The following KIAA1328 variants were observed in gnomAD, a reference collection of about 807,000 sequenced individuals.
The protein encoded by KIAA1328 is KIAA1328.
In KIAA1328, 52 loss-of-function variants were observed where a neutral mutation model predicts 68.1. That is an observed-to-expected ratio of 0.76 (90% CI 0.61 to 0.96). The LOEUF is 0.96. KIAA1328 is among the 40% of genes least tolerant of loss of function. The pLI is 0.00. For missense variants in KIAA1328, 641 were observed against 677.6 expected, an observed-to-expected ratio of 0.95 and a Z score of 0.60; for synonymous variants, 232 against 239.4, an observed-to-expected ratio of 0.97 and a Z score of 0.28.
chr18:36,984,741 A>G (rs535987394), intron 6 of KIAA1328, among the ~76,000 whole-genome samples: 1 of 152,076 alleles, frequency 6.6e-6, no homozygotes, highest in South Asian at 2.1e-4. Flanking sequence ...CCCCATCTCT[A>G]CTAAAAATAC....
At chr18:37,124,239 C>T (rs1025174188) in intron 7 of KIAA1328, among the ~76,000 whole-genome samples, 1 of 152,124 alleles carries the variant, frequency 6.6e-6, no homozygotes, top group African/African-American at 2.4e-5. Context: ...CAAACTTATA[C>T]CTTTCTTCTC....
chr18:37,012,154 T>C (rs1187623729), intron 6 of KIAA1328, among the ~76,000 whole-genome samples: 2 of 152,096 alleles, frequency 1.3e-5, no homozygotes, highest in Non-Finnish European at 2.9e-5. Flanking sequence ...CAGAACAATA[T>C]AGAACTAATA....
At chr18:37,127,909 C>CAT (rs1459827074) in intron 7 of KIAA1328, among the ~76,000 whole-genome samples, 2 of 151,790 alleles carry the variant, frequency 1.3e-5, no homozygotes, top group African/African-American at 4.8e-5. Context: ...AATAGGCCCA[C>CAT]ATATATATGT....
intron 7 of KIAA1328, among the ~76,000 whole-genome samples, chr18:37,136,567 TG>T (rs1245449945): frequency 6.6e-6 from 1 of 152,222 alleles, no homozygotes; most frequent in East Asian, 1.9e-4. Context: ...AAATTATACT[TG>T]TTTCATCAGT....
At chr18:37,112,318 T>G (rs1156697624) in intron 7 of KIAA1328, among the ~76,000 whole-genome samples, 1 of 152,132 alleles carries the variant, frequency 6.6e-6, no homozygotes, top group Non-Finnish European at 1.5e-5. Flanking sequence ...CCCTCTGAAA[T>G]GAAACTTCCA....
intron 6 of KIAA1328, among the ~76,000 whole-genome samples, chr18:37,037,212 G>A (rs1000548273): frequency 2.6e-5 from 4 of 151,984 alleles, no homozygotes; most frequent in Non-Finnish European, 4.4e-5. Context: ...TCAGCTAATC[G>A]ACTCTAAAAG....
intron 6 of KIAA1328, among the ~76,000 whole-genome samples, chr18:36,969,370 A>G (rs1228554169): frequency 6.6e-6 from 1 of 152,126 alleles, no homozygotes; most frequent in Non-Finnish European, 1.5e-5. Flanking sequence ...AAAAAAATTA[A>G]TAAGCTGGAT....
chr18:36,872,058 C>T (rs988806035), intron 4 of KIAA1328, among the ~76,000 whole-genome samples: 6 of 152,264 alleles, frequency 3.9e-5, no homozygotes, highest in Middle Eastern at 3.4e-3. Context: ...GGGTCCTTCT[C>T]CTCTATCTTC....
chr18:36,936,847 G>T (rs918959387), intron 5 of KIAA1328, among the ~76,000 whole-genome samples: 17 of 152,112 alleles, frequency 1.1e-4, no homozygotes, highest in African/African-American at 3.9e-4. Flanking sequence ...GTTTTGATTT[G>T]CATTTCTCTT....
intron 5 of KIAA1328, among the ~76,000 whole-genome samples, chr18:36,938,212 G>T (rs745529030): frequency 3.9e-5 from 6 of 151,972 alleles, no homozygotes; most frequent in African/African-American, 9.7e-5. Context: ...ATTTACATTC[G>T]CAAGAACAGT....
At chr18:36,996,793 G>GA (rs2053408922) in intron 6 of KIAA1328, among the ~76,000 whole-genome samples, 1 of 152,160 alleles carries the variant, frequency 6.6e-6, no homozygotes, top group African/African-American at 2.4e-5. Flanking sequence ...TTTCAAGAGA[G>GA]AAAACCACAT....
rs144851048 is a variant in KIAA1328 at position 37,027,476 on chromosome 18, G to A, written c.577-39414G>A. On this transcript the variant is annotated intron_variant, in intron 6 of 9. Transcript: ENST00000280020. ...TACCTGACTTCAAACTATGCTACAA[G>A]GCTACAGTAACCAAAACAGCATGGT... 1.6e-4 allele frequency among the ~76,000 whole-genome samples: 25 copies of A among 152,260 alleles called. No individual in the cohort carries two copies. The East Asian group carries it at 4.8e-3, about 29-fold the overall frequency.
intron 7 of KIAA1328, among the ~76,000 whole-genome samples, chr18:37,159,618 G>A (rs2059232990): frequency 6.6e-6 from 1 of 152,102 alleles, no homozygotes; most frequent in East Asian, 1.9e-4. Context: ...AAGAAAATAT[G>A]TACATGTGTT....
chr18:37,155,466 T>C (rs975031713), intron 7 of KIAA1328, among the ~76,000 whole-genome samples: 3 of 152,186 alleles, frequency 2.0e-5, no homozygotes, highest in African/African-American at 7.2e-5. Context: ...TCCCTCTCTC[T>C]TACATCAAGT....
intron 6 of KIAA1328, among the ~76,000 whole-genome samples, chr18:37,017,708 A>G (rs1021402169): frequency 6.6e-6 from 1 of 152,126 alleles, no homozygotes; most frequent in African/African-American, 2.4e-5. Context: ...CTTTATTGTT[A>G]TAGAATGCCT....
chr18:36,897,674 A>G (rs1006529725), intron 5 of KIAA1328, among the ~76,000 whole-genome samples: 1 of 152,086 alleles, frequency 6.6e-6, no homozygotes, highest in Non-Finnish European at 1.5e-5. Flanking sequence ...TCTTACTATA[A>G]TATTCCCAAG....
chr18:37,161,068 G>A (rs1211912226), intron 8 of KIAA1328, among the ~76,000 whole-genome samples: 1 of 152,100 alleles, frequency 6.6e-6, no homozygotes. Context: ...AAGATGTACA[G>A]GAAACAAAAG....
At chr18:37,037,577 A>G (rs1411893848) in intron 6 of KIAA1328, among the ~76,000 whole-genome samples, 1 of 152,186 alleles carries the variant, frequency 6.6e-6, no homozygotes, top group African/African-American at 2.4e-5. Flanking sequence ...AAACATTACT[A>G]AATATATGAA....
At chr18:37,190,396 A>G (rs1343689684) in intron 9 of KIAA1328, among the ~76,000 whole-genome samples, 1 of 152,210 alleles carries the variant, frequency 6.6e-6, no homozygotes, top group Non-Finnish European at 1.5e-5. Context: ...TGAGAAAAAT[A>G]TATATTAAAG....
Sources: gnomAD v4.1 joint callset for allele counts (sites outside exome capture counted in the v4.1 genomes callset) on GRCh38, gnomAD v4.1.1 for gene constraint, MANE v1.5 for transcripts, NCBI Gene and HGNC (gene_info 2026-07-23, HGNC 2026-07-21) for gene names.